RORA: variants seen among roughly 807,000 people sequenced by gnomAD.
RORA encodes the protein RAR related orphan receptor A.
In RORA, 7 loss-of-function variants were observed where a neutral mutation model predicts 69.5. The observed-to-expected ratio is 0.10, with a 90% CI of 0.06 to 0.19. RORA has a LOEUF of 0.19. Among genes scored for constraint, RORA ranks in the 10% least tolerant of loss-of-function variants. RORA has a pLI of 1.00. For missense variants in RORA, 457 were observed against 663.0 expected, an observed-to-expected ratio of 0.69 and a Z score of 3.41; for synonymous variants, 261 against 240.8, an observed-to-expected ratio of 1.08 and a Z score of -0.78.
intron 3 of RORA, among the ~76,000 whole-genome samples, chr15:60,517,472 T>C (rs116911290): frequency 5.3e-5 from 8 of 152,226 alleles, no homozygotes; most frequent in Non-Finnish European, 8.8e-5. Context: ...TTTTTTATTT[T>C]ATTTTATTTT....
intron 1 of RORA, among the ~76,000 whole-genome samples, chr15:61,032,223 G>A (rs1896208188): frequency 6.6e-6 from 1 of 152,214 alleles, no homozygotes; most frequent in Non-Finnish European, 1.5e-5. Context: ...TTTACCAGTT[G>A]TGGTTACCAT....
intron 2 of RORA, among the ~76,000 whole-genome samples, chr15:60,563,510 G>A (rs2067636095): frequency 6.6e-6 from 1 of 152,176 alleles, no homozygotes; most frequent in African/African-American, 2.4e-5. Context: ...TAGTCATCAA[G>A]AACACTTACT....
chr15:60,809,010 G>A (rs1316590124), intron 1 of RORA, among the ~76,000 whole-genome samples: 1 of 152,026 alleles, frequency 6.6e-6, no homozygotes, highest in African/African-American at 2.4e-5. Flanking sequence ...TTGGACTTTG[G>A]AGACTCAGAG....
rs2080150313 is a variant in RORA at position 61,226,927 on chromosome 15, G to C, written c.166+2126C>G. Reference sequence around the variant, plus strand: ...ATGGGTCAGCAGGTCAGCTGTGCAAGATGTATCCCACTCCTACTATGCCCC... The same window carrying C: ...ATGGGTCAGCAGGTCAGCTGTGCAACATGTATCCCACTCCTACTATGCCCC... On this transcript the variant is annotated intron_variant, in intron 1 of 10. Transcript: ENST00000335670. The surrounding 1 kb of genome is among the most constrained non-coding windows in gnomAD (Gnocchi z 4.2). 6.6e-6 allele frequency among the ~76,000 whole-genome samples: 1 copy of C among 152,114 alleles called. No homozygotes were observed. The highest frequency in any genetic ancestry group is 1.5e-5 in the Non-Finnish European group (1 of 68,012).
At chr15:60,507,613 A>C (rs1009327169) in intron 5 of RORA, among the ~76,000 whole-genome samples, 1 of 152,240 alleles carries the variant, frequency 6.6e-6, no homozygotes, top group African/African-American at 2.4e-5. Flanking sequence ...ACGCTGGAGA[A>C]TAGGTGAGTA....
intron 1 of RORA, among the ~76,000 whole-genome samples, chr15:60,770,476 T>C (rs527872964): frequency 2.4e-4 from 36 of 152,300 alleles, no homozygotes; most frequent in African/African-American, 8.2e-4. Flanking sequence ...AATTCATGGT[T>C]CATATTAAGC....
At chr15:61,100,436 A>G (rs2078863075) in intron 1 of RORA, among the ~76,000 whole-genome samples, 1 of 152,168 alleles carries the variant, frequency 6.6e-6, no homozygotes, top group Admixed American at 6.6e-5. Flanking sequence ...GTCAATTTTT[A>G]AAGTGTTCTC....
intron 1 of RORA, among the ~76,000 whole-genome samples, chr15:60,717,796 C>CTTTTTTT (rs10653856): frequency 6.5e-5 from 6 of 91,976 alleles, no homozygotes; most frequent in Admixed American, 2.7e-4. Context: ...TTCTTTTTCT[C>CTTTTTTT]TTTTTTTTTT....
intron 1 of RORA, among the ~76,000 whole-genome samples, chr15:61,188,509 C>G (rs1028741768): frequency 4.6e-5 from 7 of 152,146 alleles, no homozygotes; most frequent in African/African-American, 1.7e-4. Context: ...GGAAAACGTG[C>G]AACTGTCTTC....
At chr15:60,938,209 A>G (rs1892583572) in intron 1 of RORA, among the ~76,000 whole-genome samples, 2 of 152,244 alleles carry the variant, frequency 1.3e-5, no homozygotes, top group Non-Finnish European at 1.5e-5. Flanking sequence ...CACATAGTGT[A>G]TTTGTATCTG....
chr15:61,210,264 A>G (rs1234176028), intron 1 of RORA, among the ~76,000 whole-genome samples: 1 of 152,228 alleles, frequency 6.6e-6, no homozygotes, highest in East Asian at 1.9e-4. Flanking sequence ...CACAGGGATC[A>G]GAACTTTTAT....
intron 1 of RORA, among the ~76,000 whole-genome samples, chr15:60,929,098 T>C (rs1385597938): frequency 6.6e-6 from 1 of 152,154 alleles, no homozygotes; most frequent in East Asian, 1.9e-4. Context: ...GTGCCCCTGC[T>C]GGGTCTACAA....
At chr15:60,718,943 C>T (rs190290016) in intron 1 of RORA, among the ~76,000 whole-genome samples, 30 of 152,150 alleles carry the variant, frequency 2.0e-4, no homozygotes, top group East Asian at 1.2e-3. Flanking sequence ...TACAGGCTCC[C>T]GTGCCGTTCT....
At position 61,181,871 on chromosome 15, in the gene RORA, A is replaced by G. The variant is rs554322328; in HGVS notation, c.166+47182T>C. Among the ~76,000 whole-genome samples the G allele has an allele frequency of 8.5e-5, 13 of 152,316 alleles. No homozygotes were observed. In the East Asian group the frequency reaches 2.3e-3, roughly 27 times the overall value. ...TGGAAATCTGAGATTGGGTAACTAA[A>G]GGCAATCTAATCTTGTGAAAAGCTA... is the stretch of plus-strand genomic sequence containing the variant. On this transcript the variant is annotated intron_variant, in intron 1 of 10. Coordinates refer to ENST00000335670, the MANE Select transcript of RORA (RefSeq NM_134261.3).
At chr15:61,003,694 C>G (rs1894818057) in intron 1 of RORA, among the ~76,000 whole-genome samples, 1 of 151,984 alleles carries the variant, frequency 6.6e-6, no homozygotes, top group Non-Finnish European at 1.5e-5. Flanking sequence ...CTACAAAATG[C>G]AAAACAAAAA....
In RORA at chr15:60,684,544, G is replaced by A. The variant is rs552950639; in HGVS notation, c.167-5858C>T. On this transcript the variant is annotated intron_variant, in intron 1 of 10. Coordinates refer to ENST00000335670, the MANE Select transcript of RORA (RefSeq NM_134261.3). ...AGGCAGGAGAATCACTTGAACCTGG[G>A]AGGTGGAGGTTGCAGTGAGTTGAGA... 2.0e-5 allele frequency among the ~76,000 whole-genome samples: 3 copies of A among 152,314 alleles called. No individual in the cohort carries two copies. In the South Asian group the frequency reaches 6.2e-4, roughly 32 times the overall value.
At chr15:60,868,175 A>G (rs1052354012) in intron 1 of RORA, among the ~76,000 whole-genome samples, 1 of 152,208 alleles carries the variant, frequency 6.6e-6, no homozygotes, top group African/African-American at 2.4e-5. Context: ...AGGGAGACAC[A>G]TTACACCTTA....
At chr15:60,515,909 TTGTA>T (rs1245229396) in intron 3 of RORA, among the ~76,000 whole-genome samples, 2 of 89,814 alleles carry the variant, frequency 2.2e-5, no homozygotes, top group African/African-American at 1.2e-4. Flanking sequence ...TTTATATATA[TTGTA>T]TTTATATATA....
chr15:60,995,627 C>A lies in RORA; in HGVS notation c.166+233426G>T, dbSNP rs550869838. Reference sequence around the variant, plus strand: ...CAGATCTGATAGCCCAACTCAAGACCCCCTCAAAAATGCCTGATGTGTATT... The same window carrying A: ...CAGATCTGATAGCCCAACTCAAGACACCCTCAAAAATGCCTGATGTGTATT... On this transcript the variant is annotated intron_variant, in intron 1 of 10. Coordinates refer to ENST00000335670, the MANE Select transcript of RORA (RefSeq NM_134261.3). Among the ~76,000 whole-genome samples, 67 of 152,308 alleles carry A rather than the reference C, an allele frequency of 4.4e-4. No individual in the cohort carries two copies. The South Asian group carries it at 0.014, about 31-fold the overall frequency.
Sources: allele counts gnomAD v4.1 joint callset (sites outside exome capture counted in the v4.1 genomes callset), GRCh38; gene constraint gnomAD v4.1.1; non-coding constraint Gnocchi (gnomAD v3.1); transcripts MANE v1.5; gene names NCBI Gene and HGNC (gene_info 2026-07-23, HGNC 2026-07-21).